ALMS1: variants seen among roughly 807,000 people sequenced by gnomAD.
The protein encoded by ALMS1 is ALMS1 centrosome and basal body associated protein.
A neutral mutation model predicts 352.2 loss-of-function variants in ALMS1; 271 were observed. The observed-to-expected ratio is 0.77, with a 90% confidence interval of 0.70 to 0.85. ALMS1 has a LOEUF of 0.85. Among genes scored for constraint, ALMS1 ranks in the 40% least tolerant of loss-of-function variants. The pLI is 0.00. For missense variants in ALMS1, 5,445 were observed against 4,870.7 expected (o/e 1.12, Z -3.51); for synonymous variants, 1,865 against 1,761.2 (o/e 1.06, Z -1.48).
chr2:73,543,407 A>T (rs1674237548), intron 12 of ALMS1, among the ~76,000 whole-genome samples: 1 of 152,226 alleles, frequency 6.6e-6, no homozygotes, highest in Admixed American at 6.5e-5. Context: ...TAAAACCATA[A>T]AAACCCTAGA....
chr2:73,500,606 C>G (rs969497402), intron 10 of ALMS1, among the ~76,000 whole-genome samples: 1 of 152,052 alleles, frequency 6.6e-6, no homozygotes, highest in Non-Finnish European at 1.5e-5. Context: ...AAAGGGGATT[C>G]CACACTCTAT....
chr2:73,457,784 G>C (rs1348451630), intron 9 of ALMS1, among the ~76,000 whole-genome samples: 1 of 151,846 alleles, frequency 6.6e-6, no homozygotes, highest in African/African-American at 2.4e-5. Context: ...TGTAATCCTA[G>C]CACTTTGGGA....
chr2:73,600,757 G>T lies in ALMS1; in HGVS notation c.11748G>T (p.Glu3916Asp). 1 of 1,614,156 alleles carries T rather than the reference G, an allele frequency of 6.2e-7. No homozygotes were observed. The highest frequency in any genetic ancestry group is 8.5e-7 in the Non-Finnish European group (1 of 1,180,028). The change falls in exon 18 of 23, where the codon GAG becomes GAT. Residue 3916 changes from glutamate to aspartate, a missense_variant. By Grantham distance (45) the Glu-to-Asp change is conservative. Coordinates refer to ENST00000613296, the MANE Select transcript of ALMS1 (RefSeq NM_001378454.1). The part of the protein sequence containing the change: ...GITFPTPSSS[E>D]AKLEENSDVT... ...CTTTCCCAACTCCAAGTTCCAGCGA[G>T]GCTAAATTGGAAGAGAACAGTGATG...
chr2:73,411,476 C>A (rs894216594), intron 2 of ALMS1, among the ~76,000 whole-genome samples: 1 of 152,102 alleles, frequency 6.6e-6, no homozygotes, highest in Admixed American at 6.6e-5. Flanking sequence ...GGTCATATTT[C>A]TAAATAATAT....
intron 9 of ALMS1, among the ~76,000 whole-genome samples, chr2:73,463,064 C>A (rs1672243371): frequency 6.6e-6 from 1 of 152,180 alleles, no homozygotes; most frequent in Non-Finnish European, 1.5e-5. Context: ...AGAAAGTTAA[C>A]AAGGATACCC....
At chr2:73,559,400 C>A (rs966970878) in intron 15 of ALMS1, among the ~76,000 whole-genome samples, 1 of 151,798 alleles carries the variant, frequency 6.6e-6, no homozygotes, top group Admixed American at 6.6e-5. Flanking sequence ...TAAATAAATA[C>A]CTAAGGCTGA....
intron 16 of ALMS1, among the ~76,000 whole-genome samples, chr2:73,596,931 A>G (rs1406746647): frequency 8.4e-6 from 1 of 119,712 alleles, no homozygotes; most frequent in African/African-American, 3.2e-5. Context: ...ATTTCTATAT[A>G]AAGTTGAGAT....
At chr2:73,564,465 CAAAA>C (rs367797062) in intron 15 of ALMS1, among the ~76,000 whole-genome samples, 2 of 63,360 alleles carry the variant, frequency 3.2e-5, no homozygotes, top group East Asian at 4.1e-4. Flanking sequence ...GACTCCGTCT[CAAAA>C]AAAAAAAAAA....
At chr2:73,500,958 A>G (rs1050937750) in intron 10 of ALMS1, among the ~76,000 whole-genome samples, 7 of 152,280 alleles carry the variant, frequency 4.6e-5, no homozygotes, top group African/African-American at 1.7e-4. Flanking sequence ...CATTAACTGC[A>G]TATGTGAGTT....
At chr2:73,605,359 G>T (rs1011499444) in intron 21 of ALMS1, among the ~76,000 whole-genome samples, 1 of 152,150 alleles carries the variant, frequency 6.6e-6, no homozygotes, top group African/African-American at 2.4e-5. Context: ...AAATACATTT[G>T]TCAACATTTG....
chr2:73,402,012 C>CGTGTGTATGTGTGTGTGTGTTAT (rs1670881477), intron 1 of ALMS1, among the ~76,000 whole-genome samples: 1 of 149,266 alleles, frequency 6.7e-6, no homozygotes, highest in Non-Finnish European at 1.5e-5. Context: ...TTCCCCTCCT[C>CGTGTGTATGTGTGTGTGTGTTAT]GTGTGTATGT....
intron 16 of ALMS1, among the ~76,000 whole-genome samples, chr2:73,581,067 ATGCATCTTGCTCTG>A (rs987424875): frequency 3.3e-5 from 5 of 152,120 alleles, no homozygotes; most frequent in Admixed American, 6.5e-5. Flanking sequence ...TTTTCTGAAC[ATGCATCTTGCTCTG>A]TGCATGCACT....
rs1366506910 is a variant in ALMS1 at position 73,450,377 on chromosome 2, A to G, written c.3850A>G (p.Thr1284Ala). ...QTTGTPAVTS[T>A]SYSQYREKPS... ...AACTGGCACACCAGCTGTAACCTCT[A>G]CTTCCTACTCACAATATAGAGAGAA... Residue 1284 changes from threonine to alanine, a missense_variant, in exon 8 of 23, where the codon ACT becomes GCT. By Grantham distance (58) the Thr-to-Ala change is moderately conservative. Coordinates refer to ENST00000613296, the MANE Select transcript of ALMS1 (RefSeq NM_001378454.1). 2 of 1,612,758 alleles carry G rather than the reference A, an allele frequency of 1.2e-6. No individual in the cohort carries two copies. Among genetic ancestry groups the G allele is most frequent in the African/African-American group, 1.3e-5 (1 of 74,510 alleles).
At chr2:73,569,150 G>C (rs985215623) in intron 15 of ALMS1, among the ~76,000 whole-genome samples, 6 of 151,540 alleles carry the variant, frequency 4.0e-5, no homozygotes, top group Admixed American at 2.0e-4. Context: ...CAGTAGCTGG[G>C]ATTGCACGTG....
intron 21 of ALMS1, among the ~76,000 whole-genome samples, chr2:73,604,499 A>G (rs936710282): frequency 7.9e-5 from 12 of 152,238 alleles, no homozygotes. Flanking sequence ...TTAGGCATTC[A>G]TTGGACACTT....
chr2:73,547,901 A>C (rs1327364734), intron 12 of ALMS1, among the ~76,000 whole-genome samples: 1 of 152,098 alleles, frequency 6.6e-6, no homozygotes, highest in Non-Finnish European at 1.5e-5. Context: ...GATAGGGAGA[A>C]ATGGACAGTC....
chr2:73,602,146 A>T (rs756145041), intron 19 of ALMS1, 39 bp from the exon 20 acceptor site: 12 of 1,584,826 alleles, frequency 7.6e-6, no homozygotes, highest in Middle Eastern at 3.5e-4. Context: ...TGCATCATTA[A>T]TCTGAGGCTG....
In ALMS1 at chr2:73,422,977, A is replaced by G. The variant is rs772334395; in HGVS notation, c.764+3A>G. ...GAACTAAGTTTTGCACCTCTGAGGT[A>G]GGATGATTTATTTGCATGTAACCTT... On this transcript the variant is annotated splice_donor_region_variant and intron_variant, in intron 4 of 22. Transcript: ENST00000613296. The G allele has an allele frequency of 6.3e-7, 1 of 1,595,574 alleles. No homozygotes were observed. The highest frequency in any genetic ancestry group is 8.6e-7 in the Non-Finnish European group (1 of 1,163,312).
rs1226488697 is a variant in ALMS1, at chr2:73,426,472, T to C, written c.1257T>C (p.Val419=). The C allele has an allele frequency of 6.2e-7, 1 of 1,614,090 alleles. No homozygotes were observed. The highest frequency in any genetic ancestry group is 1.1e-5 in the South Asian group (1 of 91,086). ...TYLTKGLQGK[V]ESDVITLDGL... ...TTGTAGAGGGCCTGCAGGGGAAGGTTGAGTCTGACGTCATTACTCTGGATG... is the reference window on the plus strand; with the variant it reads ...TTGTAGAGGGCCTGCAGGGGAAGGTCGAGTCTGACGTCATTACTCTGGATG... Residue 419 remains valine (V), a synonymous_variant, in exon 6 of 23, where the codon GTT becomes GTC. Coordinates refer to ENST00000613296, the MANE Select transcript of ALMS1 (RefSeq NM_001378454.1).
Sources: allele counts gnomAD v4.1 joint callset (sites outside exome capture counted in the v4.1 genomes callset), GRCh38; gene constraint gnomAD v4.1.1; transcripts MANE v1.5; gene names NCBI Gene and HGNC (gene_info 2026-07-23, HGNC 2026-07-21).